CDHR1: variants seen among roughly 807,000 people sequenced by gnomAD.
CDHR1 encodes the protein cadherin-related family member 1.
Under a neutral mutation model 72.1 loss-of-function variants are expected in CDHR1, and 61 were observed. That is an observed-to-expected ratio of 0.85 (90% confidence interval 0.69 to 1.05). The LOEUF (loss-of-function observed/expected upper bound fraction) is 1.05. Ranked by LOEUF, CDHR1 falls within the 50% of genes least tolerant of loss-of-function variation. The pLI is 0.00. For synonymous variants in CDHR1, 470 were observed against 448.1 expected (o/e 1.05, Z -0.62); for missense variants, 1,186 against 1,115.7 (o/e 1.06, Z -0.90).
chr10:84,200,333 T>TG (rs1190495906), intron 5 of CDHR1, among the ~76,000 whole-genome samples: 1 of 152,222 alleles, frequency 6.6e-6, no homozygotes, highest in African/African-American at 2.4e-5. Context: ...TTTATCTGTT[T>TG]GGGGTCTTGG....
chr10:84,201,723 G>A (rs1842127338), intron 6 of CDHR1, 84 bp from the exon 7 acceptor site: 6 of 1,097,590 alleles, frequency 5.5e-6, no homozygotes, highest in Admixed American at 1.9e-5. Context: ...GGGGCAGTGA[G>A]GACCCCCTTC....
Position 84,218,288 on chromosome 10 carries a change from T to A in CDHR1, c.*3667T>A, listed in dbSNP as rs1213433618. ...GAGGCGGTCATGGCTTAAGCGACCA[T>A]CATTTGATCAATAAAGCAGAGTAGC... On this transcript the variant is annotated 3_prime_UTR_variant, in exon 17 of 17. Coordinates refer to ENST00000623527, the MANE Select transcript of CDHR1 (RefSeq NM_033100.4). The A allele has an allele frequency of 6.1e-6, 6 of 985,282 alleles. No homozygotes were observed. The African/African-American group carries it at 8.7e-5, about 14-fold the overall frequency. The allele number at this position is 985,282 out of a possible 1,614,324, so 61.0% of individuals were successfully genotyped here. A position where few individuals can be genotyped will look rare whatever the true frequency, so the allele number is the denominator to read the frequency against.
At chr10:84,200,170 CAAAAAA>C (rs10583938) in intron 5 of CDHR1, among the ~76,000 whole-genome samples, 1 of 134,376 alleles carries the variant, frequency 7.4e-6, no homozygotes, top group African/African-American at 2.6e-5. Context: ...AGCTCCATCT[CAAAAAA>C]AAAAAAAAAA....
chr10:84,214,724 T>G lies in CDHR1; in HGVS notation c.*103T>G. 1.9e-6 allele frequency: 3 copies of G among 1,576,494 alleles called. 1 individual carries two copies. ...TCTGCTCCTTAAGGTCACTGACCCCTGTTTTGCACAATGGTATAATCCCCA... is the reference window on the plus strand; with the variant it reads ...TCTGCTCCTTAAGGTCACTGACCCCGGTTTTGCACAATGGTATAATCCCCA... On this transcript the variant is annotated 3_prime_UTR_variant, in exon 17 of 17. Transcript: ENST00000623527.
intron 15 of CDHR1, 110 bp from the exon 16 acceptor site, chr10:84,212,981 C>T (rs1842362103): frequency 7.3e-7 from 1 of 1,366,222 alleles, no homozygotes; most frequent in Admixed American, 1.7e-5. Context: ...AAAATAGGAT[C>T]AGGACCATTT....
intron 3 of CDHR1, among the ~76,000 whole-genome samples, chr10:84,197,556 T>C (rs1842049866): frequency 6.6e-6 from 1 of 152,098 alleles, no homozygotes; most frequent in Admixed American, 6.5e-5. Flanking sequence ...TCTCTGAGTT[T>C]ATAAGAACCC....
intron 2 of CDHR1, among the ~76,000 whole-genome samples, chr10:84,195,808 CAGGGTCGCCCCGCG>C (rs1427558719): frequency 6.6e-6 from 1 of 152,226 alleles, no homozygotes; most frequent in Non-Finnish European, 1.5e-5. Flanking sequence ...CCCCCACAGA[CAGGGTCGCCCCGCG>C]AGGCAGGCAG....
intron 9 of CDHR1, among the ~76,000 whole-genome samples, chr10:84,205,569 T>C (rs1842209923): frequency 6.6e-6 from 1 of 150,902 alleles, no homozygotes; most frequent in South Asian, 2.1e-4. Context: ...CATATAGTAT[T>C]ATGCATAAGA....
chr10:84,209,019 C>T lies in CDHR1; in HGVS notation c.1320+138C>T, dbSNP rs114349927. ...ACTCTTTTCTTCTCCAGCCCTCTGC[C>T]CCTCCTGCAGATTGCTCACAGATCC... On this transcript the variant is annotated intron_variant, in intron 12 of 16. Coordinates refer to ENST00000623527, the MANE Select transcript of CDHR1 (RefSeq NM_033100.4). 5,114 of 970,124 alleles carry T rather than the reference C, an allele frequency of 5.3e-3. 66 individuals carry two copies. The highest frequency in any genetic ancestry group is 0.029 in the African/African-American group (1,777 of 61,928). The allele number at this position is 970,124 out of a possible 1,614,324, so 60.1% of individuals were successfully genotyped here.
In CDHR1 at chr10:84,215,284, A is replaced by C; in HGVS notation, c.*663A>C. ...TGCCCACGTGGGACAGAGGACACAG[A>C]GGTGGAAGATTGATCTTGCCAAGAG... On this transcript the variant is annotated 3_prime_UTR_variant, in exon 17 of 17. Coordinates refer to ENST00000623527, the MANE Select transcript of CDHR1 (RefSeq NM_033100.4). 1 of 988,616 alleles carries C rather than the reference A, an allele frequency of 1.0e-6. No individual in the cohort carries two copies. Among genetic ancestry groups the C allele is most frequent in the Non-Finnish European group, 1.2e-6 (1 of 831,894 alleles). The allele number at this position is 988,616 out of a possible 1,614,324, so 61.2% of individuals were successfully genotyped here. A position where few individuals can be genotyped will look rare whatever the true frequency, so the allele number is the denominator to read the frequency against.
chr10:84,204,714 C>A (rs984736133), intron 9 of CDHR1, 109 bp downstream of exon 9: 1 of 784,396 alleles, frequency 1.3e-6, no homozygotes, highest in Non-Finnish European at 2.3e-6. Flanking sequence ...ACCAGGATTA[C>A]AAGATGTATG....
intron 1 of CDHR1, 64 bp from the exon 2 acceptor site, chr10:84,195,430 G>A: frequency 6.9e-7 from 1 of 1,456,462 alleles, no homozygotes; most frequent in Non-Finnish European, 9.5e-7. Flanking sequence ...CTGGTGCGAA[G>A]CTCCCTCCTG....
At chr10:84,203,149 C>T (rs754946547) in intron 8 of CDHR1, 26 bp downstream of exon 8, 19 of 1,613,710 alleles carry the variant, frequency 1.2e-5, no homozygotes, top group Non-Finnish European at 1.2e-5. Context: ...CCTCAGCCAG[C>T]GATCCCTCCA....
intron 15 of CDHR1, chr10:84,212,818 G>A (rs1317757190): frequency 5.3e-6 from 3 of 569,812 alleles, no homozygotes; most frequent in Admixed American, 3.0e-5. Context: ...TTGCATCTAA[G>A]CTTTCATTTC....
chr10:84,213,823 G>A (rs548958709), intron 16 of CDHR1, among the ~76,000 whole-genome samples: 55 of 152,302 alleles, frequency 3.6e-4, no homozygotes, highest in Admixed American at 2.8e-3. Flanking sequence ...CTCGCATTGC[G>A]TTCTGTCTGA....
Position 84,212,426 on chromosome 10 carries a change from T to C in CDHR1, c.1782+19T>C. 2 of 1,589,920 alleles carry C rather than the reference T, an allele frequency of 1.3e-6. No individual in the cohort carries two copies. Among genetic ancestry groups the C allele is most frequent in the Non-Finnish European group, 1.7e-6 (2 of 1,157,964 alleles). ...AATTGAGGTAAGTTTTGGAGGCAGC[T>C]GAGCTCCCCTAAAAGCCTGGGTCCA... On this transcript the variant is annotated intron_variant, in intron 15 of 16. Coordinates refer to ENST00000623527, the MANE Select transcript of CDHR1 (RefSeq NM_033100.4).
rs891392955 is a variant in CDHR1, at chr10:84,216,644, T to G, written c.*2023T>G. The stretch of plus-strand genomic sequence containing the variant: ...GCTGCTTCAGCAGGTGGATCCATTC[T>G]TCGACCCCCAGATGTGACTCTAAAG... On this transcript the variant is annotated 3_prime_UTR_variant, in exon 17 of 17. Transcript: ENST00000623527. 4.6e-5 allele frequency: 45 copies of G among 985,378 alleles called. No individual in the cohort carries two copies. The highest frequency in any genetic ancestry group is 5.2e-5 in the Non-Finnish European group (43 of 829,952). The allele number at this position is 985,378 out of a possible 1,614,324, so 61.0% of individuals were successfully genotyped here.
intron 11 of CDHR1, 148 bp from the exon 12 acceptor site, chr10:84,208,581 C>A: frequency 1.0e-6 from 1 of 995,068 alleles, no homozygotes; most frequent in Non-Finnish European, 1.5e-6. Flanking sequence ...TAAAGGCACT[C>A]ACAGTCCATT....
chr10:84,203,237 C>T, intron 8 of CDHR1, 114 bp downstream of exon 8: 1 of 1,371,520 alleles, frequency 7.3e-7, no homozygotes, highest in East Asian at 2.3e-5. Context: ...TTGCCCTCCT[C>T]ACACAGAGGC....
Sources: allele counts gnomAD v4.1 joint callset (sites outside exome capture counted in the v4.1 genomes callset), GRCh38; gene constraint gnomAD v4.1.1; transcripts MANE v1.5; gene names NCBI Gene and HGNC (gene_info 2026-07-23, HGNC 2026-07-21).